The following ZNF69 variants were observed in gnomAD, a reference collection of about 807,000 sequenced individuals.
ZNF69 encodes zinc finger protein 69, also known as ZNF3.
ZNF69 carries 47 observed loss-of-function variants against 50.9 expected under a neutral mutation model. The ratio of observed to expected loss-of-function variants is 0.92; its 90% CI spans 0.73 to 1.18. ZNF69 has a LOEUF of 1.18. Ranked by LOEUF, ZNF69 falls within the 50% of genes most tolerant of loss-of-function variation. The pLI, the probability that ZNF69 is intolerant of heterozygous loss-of-function variation, is 0.00. For missense variants in ZNF69, 717 were observed against 675.1 expected, an observed-to-expected ratio of 1.06 and a Z score of -0.69; for synonymous variants, 216 against 223.1, an observed-to-expected ratio of 0.97 and a Z score of 0.29.
chr19:11,959,324 C>A, the ZNF69 span, among the ~76,000 whole-genome samples: 1 of 152,162 alleles, frequency 6.6e-6, no homozygotes, highest in Non-Finnish European at 1.5e-5. Flanking sequence ...AAAATAATAA[C>A]AATATGAATA....
At chr19:11,959,716 C>G in the ZNF69 span, among the ~76,000 whole-genome samples, 3 of 151,992 alleles carry the variant, frequency 2.0e-5, no homozygotes, top group Non-Finnish European at 4.4e-5. Context: ...TGTTTTTGTC[C>G]CTAATTGGAA....
chr19:11,979,313 C>T, the ZNF69 span: 4 of 1,608,720 alleles, frequency 2.5e-6, no homozygotes, highest in East Asian at 2.2e-5. Flanking sequence ...AGATGTGCCC[C>T]ACACCTTCGA....
the ZNF69 span, among the ~76,000 whole-genome samples, chr19:11,969,975 C>T: frequency 6.6e-6 from 1 of 152,188 alleles, no homozygotes; most frequent in Admixed American, 6.5e-5. Flanking sequence ...ATCCCCACAA[C>T]TGCCATGTCT....
chr19:11,945,289 A>T, the ZNF69 span, among the ~76,000 whole-genome samples: 2 of 152,216 alleles, frequency 1.3e-5, no homozygotes, highest in African/African-American at 2.4e-5. Flanking sequence ...CACAGTCTGC[A>T]GAACCCTACT....
chr19:11,978,360 T>G, the ZNF69 span: 3 of 1,614,058 alleles, frequency 1.9e-6, no homozygotes, highest in African/African-American at 4.0e-5. Flanking sequence ...GCCATATAAG[T>G]GTCAACAACC....
the ZNF69 span, chr19:11,948,589 A>G: frequency 1.2e-6 from 2 of 1,607,664 alleles, no homozygotes; most frequent in Non-Finnish European, 8.5e-7. Context: ...AAGGGATCAC[A>G]CTGGAGAGAA....
At chr19:11,965,975 G>A in the ZNF69 span, among the ~76,000 whole-genome samples, 10 of 152,152 alleles carry the variant, frequency 6.6e-5, no homozygotes, top group African/African-American at 2.4e-4. Flanking sequence ...AGTTGATTGA[G>A]AGTGTGAAGT....
chr19:11,965,190 G>A, the ZNF69 span: 3 of 1,614,074 alleles, frequency 1.9e-6, no homozygotes, highest in Non-Finnish European at 2.5e-6. Context: ...AGGACCCCAG[G>A]ACATCTGAAA....
At chr19:11,937,280 T>G in the ZNF69 span, among the ~76,000 whole-genome samples, 1 of 152,132 alleles carries the variant, frequency 6.6e-6, no homozygotes, top group East Asian at 1.9e-4. Flanking sequence ...ATCTAATTCA[T>G]TTCTTTGCAT....
intron 1 of ZNF69, among the ~76,000 whole-genome samples, chr19:11,897,151 C>T (rs981683870): frequency 6.6e-6 from 1 of 152,042 alleles, no homozygotes; most frequent in East Asian, 1.9e-4. Context: ...AGTTCAAGAC[C>T]AGCCTGATGA....
At position 11,902,661 on chromosome 19, in the gene ZNF69, C is replaced by T. The variant is rs937305314; in HGVS notation, c.64-912C>T. Among the ~76,000 whole-genome samples the T allele has an allele frequency of 4.0e-5, 6 of 150,280 alleles. No individual in the cohort carries two copies. The East Asian group carries it at 1.2e-3, about 29-fold the overall frequency. ...ATCTAGCATGCCTGATTTGGGTGGTCCCTGGGGGAGTGTGATTTCCCAGGG... is the reference window on the plus strand; with the variant it reads ...ATCTAGCATGCCTGATTTGGGTGGTTCCTGGGGGAGTGTGATTTCCCAGGG... On this transcript the variant is annotated intron_variant, in intron 1 of 3. Coordinates refer to ENST00000429654, the MANE Select transcript of ZNF69 (RefSeq NM_001364730.1).
rs916078459 is a variant in ZNF69 at position 11,904,945 on chromosome 19, A to G, written c.548A>G (p.Gln183Arg). The change falls in exon 4 of 4, where the codon CAA (glutamine) becomes CGA (arginine). Residue 183 changes from glutamine to arginine, a missense_variant. Gln to Arg is a conservative substitution (Grantham distance 43). Coordinates refer to ENST00000429654, the MANE Select transcript of ZNF69 (RefSeq NM_001364730.1). ...FRYHPSFRTP[Q>R]RDHTGEKPYA... ...TATCACCCCTCCTTTAGAACACCACAAAGGGATCACACTGGAGAGAAACCC... is the reference window on the plus strand; with the variant it reads ...TATCACCCCTCCTTTAGAACACCACGAAGGGATCACACTGGAGAGAAACCC... 2.5e-6 allele frequency: 4 copies of G among 1,614,086 alleles called. No individual in the cohort carries two copies. Among genetic ancestry groups the G allele is most frequent in the Non-Finnish European group, 3.4e-6 (4 of 1,180,044 alleles).
the ZNF69 span, chr19:11,979,774 T>A: frequency 1.5e-5 from 23 of 1,579,616 alleles, no homozygotes; most frequent in Middle Eastern, 3.3e-4. Flanking sequence ...ATGGTAGAAC[T>A]CACACTGGAG....
At chr19:11,971,946 C>T in the ZNF69 span, among the ~76,000 whole-genome samples, 1 of 151,740 alleles carries the variant, frequency 6.6e-6, no homozygotes, top group Non-Finnish European at 1.5e-5. Context: ...CCTGTAATCC[C>T]AGCTACTCAG....
At chr19:11,908,637 C>T (rs189744443), downstream of ZNF69, among the ~76,000 whole-genome samples, 1 of 152,074 alleles carries the variant, frequency 6.6e-6, no homozygotes, top group African/African-American at 2.4e-5. Flanking sequence ...AACAAAGACA[C>T]AACATACCAG....
At chr19:11,901,950 G>A (rs1265910721) in intron 1 of ZNF69, among the ~76,000 whole-genome samples, 1 of 146,648 alleles carries the variant, frequency 6.8e-6, no homozygotes, top group Non-Finnish European at 1.5e-5. Context: ...TTTCATGCAT[G>A]TTGTAGTATA....
At chr19:11,922,990 G>A in the ZNF69 span, among the ~76,000 whole-genome samples, 47 of 152,114 alleles carry the variant, frequency 3.1e-4, no homozygotes, top group African/African-American at 1.1e-3. Context: ...TTAAAAAATA[G>A]ATTTATGGAG....
At chr19:11,931,168 A>G in the ZNF69 span, among the ~76,000 whole-genome samples, 3 of 148,072 alleles carry the variant, frequency 2.0e-5, no homozygotes, top group Admixed American at 2.0e-4. Flanking sequence ...TTGGGCTGCT[A>G]TATCAAATTA....
chr19:11,925,871 C>G, the ZNF69 span, among the ~76,000 whole-genome samples: 20 of 152,216 alleles, frequency 1.3e-4, no homozygotes, highest in South Asian at 1.0e-3. Context: ...TAAGTGGTCC[C>G]GAGGCGGCTC....
Sources: gnomAD v4.1 joint callset for allele counts (sites outside exome capture counted in the v4.1 genomes callset) on GRCh38, gnomAD v4.1.1 for gene constraint, MANE v1.5 for transcripts, NCBI Gene and HGNC (gene_info 2026-07-23, HGNC 2026-07-21) for gene names.